Variants in MACROD2 observed in about 807,000 individuals in gnomAD.
MACROD2 encodes the protein ADP-ribose glycohydrolase MACROD2.
MACROD2 carries 36 observed loss-of-function variants against 70.4 expected under a neutral mutation model. That is an observed-to-expected ratio of 0.51 (90% CI 0.39 to 0.68). The LOEUF (loss-of-function observed/expected upper bound fraction) is 0.68. Among genes scored for constraint, MACROD2 ranks in the 30% least tolerant of loss-of-function variants. MACROD2 has a pLI of 0.00. For missense variants in MACROD2, 496 were observed against 538.4 expected (o/e 0.92, Z 0.78); for synonymous variants, 172 against 178.8 (o/e 0.96, Z 0.30).
At chr20:14,772,571 G>T (rs1240042360) in intron 5 of MACROD2, among the ~76,000 whole-genome samples, 1 of 151,946 alleles carries the variant, frequency 6.6e-6, no homozygotes, top group South Asian at 2.1e-4. Flanking sequence ...GCATGGGAAA[G>T]ACCTGCCCCC....
chr20:16,007,699 C>G (rs1699097021), intron 15 of MACROD2, among the ~76,000 whole-genome samples: 1 of 152,090 alleles, frequency 6.6e-6, no homozygotes, highest in South Asian at 2.1e-4. Flanking sequence ...ATATACCTGA[C>G]CAGGGTCACA....
intron 5 of MACROD2, among the ~76,000 whole-genome samples, chr20:15,095,327 G>A (rs1434594235): frequency 2.0e-5 from 3 of 151,480 alleles, no homozygotes; most frequent in Admixed American, 2.0e-4. Context: ...CACCCACTTC[G>A]GCCTCCCAAA....
intron 5 of MACROD2, among the ~76,000 whole-genome samples, chr20:15,166,976 GTATT>G (rs1365151596): frequency 1.3e-5 from 2 of 150,530 alleles, no homozygotes; most frequent in South Asian, 2.1e-4. Context: ...TTAAATTTAA[GTATT>G]TAATTTAAGT....
intron 8 of MACROD2, among the ~76,000 whole-genome samples, chr20:15,554,065 T>G (rs1823879857): frequency 6.6e-6 from 1 of 152,082 alleles, no homozygotes; most frequent in African/African-American, 2.4e-5. Flanking sequence ...GTAATCCACA[T>G]GAGAAATAAT....
chr20:15,565,945 G>C (rs1348521530), intron 8 of MACROD2, among the ~76,000 whole-genome samples: 1 of 151,948 alleles, frequency 6.6e-6, no homozygotes, highest in East Asian at 1.9e-4. Flanking sequence ...TCCTTTTCCT[G>C]CCATTTCTTA....
intron 8 of MACROD2, among the ~76,000 whole-genome samples, chr20:15,596,497 G>T (rs1199709025): frequency 2.6e-5 from 4 of 152,208 alleles, no homozygotes; most frequent in East Asian, 1.9e-4. Flanking sequence ...ATTAAAATGT[G>T]CTGGATTTGG....
chr20:15,895,992 CT>C (rs1227820340), intron 10 of MACROD2, among the ~76,000 whole-genome samples: 3 of 152,204 alleles, frequency 2.0e-5, no homozygotes, highest in African/African-American at 7.2e-5. Flanking sequence ...GCATTGTACT[CT>C]TGCATGTGTT....
At chr20:14,242,460 A>G (rs985325450) in intron 3 of MACROD2, among the ~76,000 whole-genome samples, 1 of 152,184 alleles carries the variant, frequency 6.6e-6, no homozygotes, top group African/African-American at 2.4e-5. Flanking sequence ...AGAAGTATAC[A>G]TATCTACTTT....
At chr20:15,296,381 T>G (rs2077589042) in intron 6 of MACROD2, among the ~76,000 whole-genome samples, 1 of 152,168 alleles carries the variant, frequency 6.6e-6, no homozygotes, top group Non-Finnish European at 1.5e-5. Flanking sequence ...TGTAACAAAA[T>G]GATCACTTAT....
At chr20:15,708,702 A>G (rs1039857843) in intron 8 of MACROD2, among the ~76,000 whole-genome samples, 1 of 140,544 alleles carries the variant, frequency 7.1e-6, no homozygotes, top group African/African-American at 2.5e-5. Flanking sequence ...TCAAAACCCC[A>G]TCTCTACAAA....
chr20:14,567,756 C>A (rs1458693718), intron 4 of MACROD2, among the ~76,000 whole-genome samples: 1 of 151,936 alleles, frequency 6.6e-6, no homozygotes, highest in Non-Finnish European at 1.5e-5. Context: ...TCAGATTATG[C>A]CAGATATTTG....
intron 3 of MACROD2, among the ~76,000 whole-genome samples, chr20:14,119,408 G>A (rs1601244799): frequency 1.3e-5 from 2 of 151,974 alleles, no homozygotes; most frequent in South Asian, 4.2e-4. Flanking sequence ...ACCTTCAGGT[G>A]ATCCACCTAC....
chr20:14,070,323 T>TTGTGTG lies in MACROD2; in HGVS notation c.164-15282_164-15277dup, dbSNP rs57671586. Among the ~76,000 whole-genome samples the TTGTGTG allele has an allele frequency of 9.6e-3, 1,446 of 150,782 alleles. 20 individuals carry two copies. Among genetic ancestry groups the TTGTGTG allele is most frequent in the African/African-American group, 0.031 (1,286 of 41,016 alleles). ...TGGATATGCTGGAGTATAGAGGGGT[T>TTGTGTG]TGTGTGTGTGTGTGTGTGTGTAATC... On this transcript the variant is annotated intron_variant, in intron 2 of 17. Transcript: ENST00000684519.
At chr20:14,262,194 A>T (rs1341425506) in intron 3 of MACROD2, among the ~76,000 whole-genome samples, 1 of 152,170 alleles carries the variant, frequency 6.6e-6, no homozygotes, top group Admixed American at 6.5e-5. Flanking sequence ...AGTATAAAAG[A>T]TCTTTTAATC....
intron 3 of MACROD2, among the ~76,000 whole-genome samples, chr20:14,457,908 T>G (rs1370984688): frequency 6.6e-6 from 1 of 152,060 alleles, no homozygotes; most frequent in Non-Finnish European, 1.5e-5. Context: ...AAGACCAGCC[T>G]GGCCAACATG....
At chr20:14,113,902 A>G (rs1289752346) in intron 3 of MACROD2, among the ~76,000 whole-genome samples, 1 of 151,932 alleles carries the variant, frequency 6.6e-6, no homozygotes, top group East Asian at 1.9e-4. Context: ...ACTAAGGTTT[A>G]TTTATTCATT....
At chr20:15,015,780 A>G (rs2075116546) in intron 5 of MACROD2, among the ~76,000 whole-genome samples, 1 of 152,232 alleles carries the variant, frequency 6.6e-6, no homozygotes, top group Non-Finnish European at 1.5e-5. Context: ...TTCTTGTTAG[A>G]ACTATGGCAG....
intron 3 of MACROD2, among the ~76,000 whole-genome samples, chr20:14,097,419 G>A (rs2054243022): frequency 6.6e-6 from 1 of 152,162 alleles, no homozygotes; most frequent in South Asian, 2.1e-4. Flanking sequence ...GTTGGTTATA[G>A]CCAAAAATTA....
intron 2 of MACROD2, among the ~76,000 whole-genome samples, chr20:14,028,306 C>G (rs1221657282): frequency 7.1e-6 from 1 of 141,688 alleles, no homozygotes; most frequent in Non-Finnish European, 1.6e-5. Flanking sequence ...CCACTTCATA[C>G]TGCTGTGCTG....
Sources: allele counts gnomAD v4.1 joint callset (sites outside exome capture counted in the v4.1 genomes callset), GRCh38; gene constraint gnomAD v4.1.1; transcripts MANE v1.5; gene names NCBI Gene and HGNC (gene_info 2026-07-23, HGNC 2026-07-21).